NRDE2: variants seen among roughly 807,000 people sequenced by gnomAD.
NRDE2 encodes the protein nuclear exosome regulator NRDE2.
A neutral mutation model predicts 124.2 loss-of-function variants in NRDE2; 76 were observed. The ratio of observed to expected loss-of-function variants is 0.61; its 90% confidence interval spans 0.51 to 0.74. The LOEUF (loss-of-function observed/expected upper bound fraction) is 0.74, where lower values mean the gene tolerates loss of function less well. Ranked by LOEUF, NRDE2 falls within the 30% of genes least tolerant of loss-of-function variation. NRDE2 has a pLI of 0.00. For synonymous variants in NRDE2, 489 were observed against 528.1 expected (o/e 0.93, Z 1.01); for missense variants, 1,314 against 1,417.3 (o/e 0.93, Z 1.17).
intron 13 of NRDE2, chr14:90,278,817 T>C (rs948837827): frequency 2.1e-5 from 12 of 566,288 alleles, no homozygotes; most frequent in Admixed American, 1.3e-4. Context: ...TCTGACCAAA[T>C]GCTGGGAAAC....
intron 4 of NRDE2, among the ~76,000 whole-genome samples, chr14:90,308,623 C>T (rs1040107142): frequency 4.6e-5 from 7 of 152,128 alleles, no homozygotes; most frequent in African/African-American, 1.2e-4. Context: ...AAATCCTAAC[C>T]GTTCACCTTC....
chr14:90,293,486 G>A (rs866067194), intron 8 of NRDE2, among the ~76,000 whole-genome samples: 2 of 152,220 alleles, frequency 1.3e-5, no homozygotes, highest in Non-Finnish European at 2.9e-5. Flanking sequence ...CTGATCTCAG[G>A]TGATGCACCT....
chr14:90,310,156 C>T (rs921489753), intron 4 of NRDE2, among the ~76,000 whole-genome samples: 1 of 152,148 alleles, frequency 6.6e-6, no homozygotes, highest in Non-Finnish European at 1.5e-5. Flanking sequence ...AGGTGATTTG[C>T]CTGGGACTTT....
chr14:90,280,956 T>A (rs900453291), intron 12 of NRDE2: 1 of 152,296 alleles, frequency 6.6e-6, no homozygotes, highest in African/African-American at 2.4e-5. Context: ...GCTGGGAACC[T>A]AAGAAAACAG....
chr14:90,290,144 G>A, intron 10 of NRDE2, 77 bp downstream of exon 10: 2 of 1,481,340 alleles, frequency 1.4e-6, no homozygotes, highest in Non-Finnish European at 1.8e-6. Context: ...AGAGCACTCG[G>A]AGGCTTACAA....
intron 12 of NRDE2, among the ~76,000 whole-genome samples, chr14:90,282,723 G>A (rs181399858): frequency 1.1e-3 from 172 of 151,752 alleles, no homozygotes; most frequent in Non-Finnish European, 2.1e-3. Flanking sequence ...ACTGGAGTGC[G>A]GTGGCGCGAT....
intron 1 of NRDE2, among the ~76,000 whole-genome samples, chr14:90,322,576 T>G (rs1391248179): frequency 1.3e-5 from 2 of 152,202 alleles, no homozygotes; most frequent in Non-Finnish European, 2.9e-5. Flanking sequence ...AAAGTACAAC[T>G]AGTGTAATTC....
At chr14:90,290,163 A>G in intron 10 of NRDE2, 58 bp downstream of exon 10, 8 of 1,565,866 alleles carry the variant, frequency 5.1e-6, no homozygotes, top group Non-Finnish European at 6.9e-6. Context: ...AATCCCGTTT[A>G]TAAACACTGA....
Position 90,312,426 on chromosome 14 carries a change from C to A in NRDE2, c.525G>T (p.Glu175Asp). 6.2e-7 allele frequency: 1 copy of A among 1,614,006 alleles called. No individual in the cohort carries two copies. Among genetic ancestry groups the A allele is most frequent in the Non-Finnish European group, 8.5e-7 (1 of 1,179,958 alleles). The change falls in exon 4 of 14, where the codon GAG becomes GAT. Residue 175 changes from glutamate to aspartate, a missense_variant. Glu to Asp is a conservative substitution (Grantham distance 45, BLOSUM62 2). Coordinates refer to ENST00000354366, the MANE Select transcript of NRDE2 (RefSeq NM_017970.4). ...TDKKPDPANW[E>D]YKSLYRGDIA... ...TATCCCCTCGGTAGAGAGACTTGTACTCCCAGTTCGCAGGATCTGGTTTCT... is the reference window on the plus strand; with the variant it reads ...TATCCCCTCGGTAGAGAGACTTGTAATCCCAGTTCGCAGGATCTGGTTTCT...
chr14:90,321,055 T>C (rs571584470), intron 1 of NRDE2, among the ~76,000 whole-genome samples: 2 of 152,124 alleles, frequency 1.3e-5, no homozygotes, highest in Non-Finnish European at 1.5e-5. Flanking sequence ...GATTCTATCA[T>C]GAAAAAGTGG....
rs981878233 is a variant in NRDE2 at position 90,271,191 on chromosome 14, C to T, written c.*7145G>A. On this transcript the variant is annotated 3_prime_UTR_variant, in exon 14 of 14. Coordinates refer to ENST00000354366, the MANE Select transcript of NRDE2 (RefSeq NM_017970.4). Reference sequence around the variant, plus strand: ...CTTTCTATACACAAAACTTTCTTTTCACCCGAACCATTTGAAGTAAATAAC... The same window carrying T: ...CTTTCTATACACAAAACTTTCTTTTTACCCGAACCATTTGAAGTAAATAAC... 2.0e-5 allele frequency: 3 copies of T among 152,198 alleles called. No individual in the cohort carries two copies. The highest frequency in any genetic ancestry group is 2.4e-5 in the African/African-American group (1 of 41,442). 9.4% of individuals were successfully genotyped at this position (152,198 alleles called of 1,614,324 possible).
At position 90,272,529 on chromosome 14, in the gene NRDE2, G is replaced by A. The variant is rs938776593; in HGVS notation, c.*5807C>T. 4 of 640,172 alleles carry A rather than the reference G, an allele frequency of 6.2e-6. No homozygotes were observed. The highest frequency in any genetic ancestry group is 2.9e-5 in the East Asian group (1 of 34,776). The allele number at this position is 640,172 out of a possible 1,614,324, so 39.7% of individuals were successfully genotyped here. A position where few individuals can be genotyped will look rare whatever the true frequency, so the allele number is the denominator to read the frequency against. On this transcript the variant is annotated 3_prime_UTR_variant, in exon 14 of 14. Transcript: ENST00000354366. The surrounding 1 kb of genome is among the most constrained non-coding windows in gnomAD (Gnocchi z 4.5). ...CTGATTTTTATTAGCAAAACATCCT[G>A]TGTCTTTTGGAGTACGATGTGTAAG...
At chr14:90,317,810 T>C (rs1356777602) in intron 2 of NRDE2, 195 bp downstream of exon 2, 3 of 496,012 alleles carry the variant, frequency 6.0e-6, no homozygotes, top group South Asian at 6.6e-5. Flanking sequence ...AACTGTGTCA[T>C]GTACTTGCCA....
intron 5 of NRDE2, among the ~76,000 whole-genome samples, chr14:90,303,646 CACCTT>C (rs1884487644): frequency 6.6e-6 from 1 of 152,160 alleles, no homozygotes; most frequent in Non-Finnish European, 1.5e-5. Flanking sequence ...TGTTGAACTT[CACCTT>C]CTCCTTGGTA....
chr14:90,280,572 A>G (rs371501920), intron 12 of NRDE2: 1 of 152,306 alleles, frequency 6.6e-6, no homozygotes, highest in Non-Finnish European at 1.5e-5. Flanking sequence ...AGCGCTGGAG[A>G]TGCCCTCACT....
chr14:90,299,773 T>C (rs954847835), intron 7 of NRDE2, among the ~76,000 whole-genome samples: 2 of 152,206 alleles, frequency 1.3e-5, no homozygotes, highest in Admixed American at 1.3e-4. Context: ...GGTCTGGCTC[T>C]TGTAAGAGTG....
intron 1 of NRDE2, among the ~76,000 whole-genome samples, chr14:90,327,742 G>A (rs117763564): frequency 1.3e-5 from 2 of 152,286 alleles, no homozygotes; most frequent in East Asian, 3.9e-4. Context: ...TAGGCGAGGT[G>A]GCTCACGCAC....
Position 90,273,501 on chromosome 14 carries a change from T to A in NRDE2, c.*4835A>T, listed in dbSNP as rs1595048548. 1 of 152,324 alleles carries A rather than the reference T, an allele frequency of 6.6e-6. No individual in the cohort carries two copies. The highest frequency in any genetic ancestry group is 6.5e-5 in the Admixed American group (1 of 15,300). The allele number at this position is 152,324 out of a possible 1,614,324, so 9.4% of individuals were successfully genotyped here. On this transcript the variant is annotated 3_prime_UTR_variant, in exon 14 of 14. Transcript: ENST00000354366. ...TGAACCCAGGAGGCGGAGGTTGCAG[T>A]GAGCCAAGATCCCGTCACTGCACTC... is the stretch of plus-strand genomic sequence containing the variant.
At position 90,279,071 on chromosome 14, in the gene NRDE2, A is replaced by G. The variant is rs1891881606; in HGVS notation, c.3360T>C (p.Pro1120=). The G allele has an allele frequency of 4.3e-6, 7 of 1,610,674 alleles. No individual in the cohort carries two copies. Among genetic ancestry groups the G allele is most frequent in the Non-Finnish European group, 5.9e-6 (7 of 1,176,760 alleles). Residue 1120 remains proline, a synonymous_variant, in exon 13 of 14, where the codon CCT becomes CCC. Coordinates refer to ENST00000354366, the MANE Select transcript of NRDE2 (RefSeq NM_017970.4). The part of the protein sequence containing the change: ...GVFYKALQNC[P]WAKVLYLDAV... ...GGCCTTTAACACTTACCTTTGCCCA[A>G]GGGCAATTCTGAAGTGCTTTGTAGA...
Sources: allele counts gnomAD v4.1 joint callset (sites outside exome capture counted in the v4.1 genomes callset), GRCh38; gene constraint gnomAD v4.1.1; non-coding constraint Gnocchi (gnomAD v3.1); transcripts MANE v1.5; gene names NCBI Gene and HGNC (gene_info 2026-07-23, HGNC 2026-07-21).